Variants in TAFA5 observed in about 807,000 individuals in gnomAD.
TAFA5 encodes TAFA chemokine like family member 5.
In TAFA5, 6 loss-of-function variants were observed where a neutral mutation model predicts 15.3. The observed-to-expected ratio is 0.39, with a 90% CI of 0.21 to 0.77. The LOEUF (loss-of-function observed/expected upper bound fraction) is 0.77, where lower values mean the gene tolerates loss of function less well. Ranked by LOEUF, TAFA5 falls within the 30% of genes least tolerant of loss-of-function variation. TAFA5 has a pLI of 0.41. For missense variants in TAFA5, 161 were observed against 193.1 expected, an observed-to-expected ratio of 0.83 and a Z score of 0.98; for synonymous variants, 103 against 80.7, an observed-to-expected ratio of 1.28 and a Z score of -1.48.
chr22:48,739,583 G>A (rs561487206), intron 3 of TAFA5, among the ~76,000 whole-genome samples: 144 of 152,266 alleles, frequency 9.5e-4, no homozygotes, highest in East Asian at 8.7e-3. Context: ...GTGAGTGGCC[G>A]GCACTGTAAT....
chr22:48,516,984 A>G (rs539425566), intron 1 of TAFA5, among the ~76,000 whole-genome samples: 1 of 152,036 alleles, frequency 6.6e-6, no homozygotes, highest in East Asian at 1.9e-4. Flanking sequence ...AACAAAATCA[A>G]CCCTGTTGAA....
intron 2 of TAFA5, chr22:48,693,353 C>G: frequency 6.2e-7 from 1 of 1,612,446 alleles, no homozygotes; most frequent in Non-Finnish European, 8.5e-7. Flanking sequence ...CACAAACACC[C>G]GAAATGTACC....
intron 2 of TAFA5, among the ~76,000 whole-genome samples, chr22:48,676,717 G>A (rs1250702194): frequency 6.6e-6 from 1 of 152,220 alleles, no homozygotes. Context: ...TGCGGCCGGG[G>A]AGCGGGTATG....
chr22:48,614,856 G>A (rs1925539665), intron 1 of TAFA5, among the ~76,000 whole-genome samples: 1 of 152,152 alleles, frequency 6.6e-6, no homozygotes, highest in Non-Finnish European at 1.5e-5. Flanking sequence ...GGTGGCACTG[G>A]GGCTGGCCAG....
At chr22:48,702,069 C>T (rs1014242732) in intron 2 of TAFA5, among the ~76,000 whole-genome samples, 3 of 152,010 alleles carry the variant, frequency 2.0e-5, no homozygotes, top group African/African-American at 7.3e-5. Context: ...CAGGTGGCCC[C>T]GGGGATGATA....
intron 3 of TAFA5, among the ~76,000 whole-genome samples, chr22:48,740,839 G>C (rs1438617988): frequency 6.6e-6 from 1 of 152,140 alleles, no homozygotes; most frequent in Non-Finnish European, 1.5e-5. Context: ...TGTTCTCAGG[G>C]GAGCTCAGTG....
chr22:48,643,792 C>A (rs1209570230), intron 1 of TAFA5, among the ~76,000 whole-genome samples: 1 of 152,182 alleles, frequency 6.6e-6, no homozygotes, highest in Non-Finnish European at 1.5e-5. Context: ...AGGCAGCTGG[C>A]CCTGGGGTGG....
chr22:48,622,767 C>A (rs1925886016), intron 1 of TAFA5, among the ~76,000 whole-genome samples: 1 of 152,240 alleles, frequency 6.6e-6, no homozygotes, highest in African/African-American at 2.4e-5. Context: ...GCTTGTGTGG[C>A]CGCCTCTGCC....
intron 3 of TAFA5, among the ~76,000 whole-genome samples, chr22:48,717,838 C>G (rs1204424064): frequency 6.6e-6 from 1 of 152,214 alleles, no homozygotes; most frequent in Non-Finnish European, 1.5e-5. Flanking sequence ...GAGGGTCCAC[C>G]CAGGTCCTCT....
At chr22:48,640,124 T>C (rs1207624256) in intron 1 of TAFA5, among the ~76,000 whole-genome samples, 2 of 152,202 alleles carry the variant, frequency 1.3e-5, no homozygotes, top group Admixed American at 6.5e-5. Flanking sequence ...GGCGCCAGGC[T>C]CTTCGGCTCT....
At chr22:48,706,755 G>A (rs1377364385) in intron 2 of TAFA5, among the ~76,000 whole-genome samples, 1 of 152,224 alleles carries the variant, frequency 6.6e-6, no homozygotes, top group African/African-American at 2.4e-5. Context: ...AAGTAATTAT[G>A]TGTGCATTAG....
chr22:48,539,872 C>T (rs1569017754), intron 1 of TAFA5, among the ~76,000 whole-genome samples: 2 of 152,100 alleles, frequency 1.3e-5, no homozygotes, highest in African/African-American at 4.8e-5. Context: ...CAGAACCTGC[C>T]GCCACCAGTG....
intron 1 of TAFA5, among the ~76,000 whole-genome samples, chr22:48,601,483 T>G (rs1054935087): frequency 6.6e-6 from 1 of 152,022 alleles, no homozygotes; most frequent in East Asian, 1.9e-4. Flanking sequence ...TGCACCACCA[T>G]GCCCGGCGAA....
At chr22:48,607,300 T>C (rs1925228812) in intron 1 of TAFA5, among the ~76,000 whole-genome samples, 1 of 137,554 alleles carries the variant, frequency 7.3e-6, no homozygotes, top group Non-Finnish European at 1.6e-5. Context: ...CTGTCCTGGG[T>C]TCTGATTAGG....
chr22:48,537,810 A>G (rs1922222840), intron 1 of TAFA5, among the ~76,000 whole-genome samples: 1 of 152,202 alleles, frequency 6.6e-6, no homozygotes, highest in South Asian at 2.1e-4. Flanking sequence ...CGGAGTGAAG[A>G]GAGCAGGAGA....
At chr22:48,633,957 C>T (rs180692262) in intron 1 of TAFA5, among the ~76,000 whole-genome samples, 2 of 152,300 alleles carry the variant, frequency 1.3e-5, no homozygotes, top group East Asian at 1.9e-4. Flanking sequence ...GAGGCCCCCA[C>T]GCTTTCCAGG....
chr22:48,710,521 C>T (rs1018554290), intron 3 of TAFA5, among the ~76,000 whole-genome samples: 5 of 152,116 alleles, frequency 3.3e-5, no homozygotes, highest in Non-Finnish European at 7.4e-5. Context: ...ACCAGCCTCC[C>T]GCATCCGTCC....
At chr22:48,709,486 C>G (rs1929186246) in intron 3 of TAFA5, among the ~76,000 whole-genome samples, 1 of 152,162 alleles carries the variant, frequency 6.6e-6, no homozygotes, top group African/African-American at 2.4e-5. Flanking sequence ...ACCTGTGGAC[C>G]CCAGTCAGGC....
intron 1 of TAFA5, among the ~76,000 whole-genome samples, chr22:48,589,688 G>A (rs1924489555): frequency 6.9e-6 from 1 of 145,964 alleles, no homozygotes; most frequent in South Asian, 2.1e-4. Context: ...TAGAAGAGAA[G>A]AGAAGCAAAC....
Sources: gnomAD v4.1 joint callset for allele counts (sites outside exome capture counted in the v4.1 genomes callset) on GRCh38, gnomAD v4.1.1 for gene constraint, MANE v1.5 for transcripts, NCBI Gene and HGNC (gene_info 2026-07-23, HGNC 2026-07-21) for gene names.